The following OSBPL10 variants were observed in gnomAD, a reference collection of about 807,000 sequenced individuals.
OSBPL10 encodes oxysterol binding protein like 10.
OSBPL10 carries 49 observed loss-of-function variants against 81.7 expected under a neutral mutation model. The ratio of observed to expected loss-of-function variants is 0.60; its 90% CI spans 0.48 to 0.76. The LOEUF is 0.76. Ranked by LOEUF, OSBPL10 falls within the 30% of genes least tolerant of loss-of-function variation. The probability of loss-of-function intolerance (pLI) is 0.00; values close to 1 mark genes in which losing one functional copy is unlikely to be tolerated. For synonymous variants in OSBPL10, 419 were observed against 383.6 expected, an observed-to-expected ratio of 1.09 and a Z score of -1.08; for missense variants, 923 against 987.8, an observed-to-expected ratio of 0.93 and a Z score of 0.88.
intron 1 of OSBPL10, among the ~76,000 whole-genome samples, chr3:31,957,823 T>C (rs1396180984): frequency 1.3e-5 from 2 of 152,166 alleles, no homozygotes; most frequent in African/African-American, 4.8e-5. Context: ...GTATTTTTAG[T>C]AGAGGGGGGG....
Position 31,664,169 on chromosome 3 carries a change from C to T in OSBPL10, c.2160G>A (p.Gln720=). Reference sequence around the variant, plus strand: ...GTTGCTTCTCCTCCAGGTGCCGCTTCTGCTCGGTGGCTGCGTCAATGTCCC... The same window carrying T: ...GTTGCTTCTCCTCCAGGTGCCGCTTTTGCTCGGTGGCTGCGTCAATGTCCC... ...RLGDIDAATE[Q]KRHLEEKQRV... The change falls in exon 11 of 12, where the codon CAG becomes CAA. Residue 720 remains glutamine, a synonymous_variant. Transcript: ENST00000396556. 6.2e-7 allele frequency: 1 copy of T among 1,613,716 alleles called. No individual in the cohort carries two copies. Among genetic ancestry groups the T allele is most frequent in the Non-Finnish European group, 8.5e-7 (1 of 1,180,014 alleles).
intron 1 of OSBPL10, among the ~76,000 whole-genome samples, chr3:32,071,677 A>G (rs1346000635): frequency 0.076 from 6,830 of 89,762 alleles, no homozygotes; most frequent in Non-Finnish European, 0.1. Context: ...TACAGTTCTC[A>G]TAACTTCCAA....
chr3:32,006,069 C>CA (rs1699202800), intron 2 of OSBPL10, among the ~76,000 whole-genome samples: 1 of 151,994 alleles, frequency 6.6e-6, no homozygotes. Flanking sequence ...CTCAGCCTCC[C>CA]AAGTAGCTGC....
chr3:31,882,441 C>G (rs180707140), intron 1 of OSBPL10, among the ~76,000 whole-genome samples: 1 of 152,286 alleles, frequency 6.6e-6, no homozygotes, highest in Non-Finnish European at 1.5e-5. Context: ...AATGGAAAAT[C>G]TTGGGCCCCA....
At chr3:32,005,535 C>T (rs1699197353) in intron 2 of OSBPL10, among the ~76,000 whole-genome samples, 1 of 152,130 alleles carries the variant, frequency 6.6e-6, no homozygotes, top group African/African-American at 2.4e-5. Flanking sequence ...GCATACTGCT[C>T]TCCAGACACT....
chr3:31,734,326 T>C (rs1697081022), intron 5 of OSBPL10, among the ~76,000 whole-genome samples: 1 of 152,192 alleles, frequency 6.6e-6, no homozygotes, highest in Non-Finnish European at 1.5e-5. Context: ...GAAAAGACTT[T>C]TACTCTAATT....
intron 2 of OSBPL10, among the ~76,000 whole-genome samples, chr3:32,042,284 C>T (rs988879350): frequency 6.6e-6 from 1 of 152,182 alleles, no homozygotes; most frequent in African/African-American, 2.4e-5. Flanking sequence ...ACAAGCTTTC[C>T]CTGTTGCACC....
chr3:32,066,015 A>AAG lies in OSBPL10; in HGVS notation n.185+11379_185+11380dup, dbSNP rs1395040717. On this transcript the variant is annotated intron_variant and non_coding_transcript_variant, in intron 1 of 3. Transcript: ENST00000479173. Reference sequence around the variant, plus strand: ...AGAAAGAAAGAAAGAAAGAGAAAGAAAGAAAGAAAGAGAGAGAGAGAGAAA... The same window carrying AAG: ...AGAAAGAAAGAAAGAAAGAGAAAGAAAGAGAAAGAAAGAGAGAGAGAGAGAAA... Among the ~76,000 whole-genome samples, 231 of 65,664 alleles carry AAG rather than the reference A, an allele frequency of 3.5e-3. 30 individuals are homozygous for AAG. The East Asian group carries it at 0.055, about 16-fold the overall frequency. 43.1% of individuals were successfully genotyped at this position (65,664 alleles called of 152,430 possible). A position where few individuals can be genotyped will look rare whatever the true frequency, so the allele number is the denominator to read the frequency against.
rs1268429639 is a variant in OSBPL10, at chr3:32,061,837, C to T, written n.186-15234G>A. On this transcript the variant is annotated intron_variant and non_coding_transcript_variant, in intron 1 of 3. Transcript: ENST00000479173. ...TATTTTTTATAGAGCCAGAGTCTTA[C>T]TGTGTTGAGCAGGCTGGCCTCAAAC... 5.4e-5 allele frequency among the ~76,000 whole-genome samples: 5 copies of T among 92,638 alleles called. 2 individuals carry two copies. The highest frequency in any genetic ancestry group is 1.4e-4 in the African/African-American group (5 of 36,002). 60.8% of individuals were successfully genotyped at this position (92,638 alleles called of 152,430 possible). A position where few individuals can be genotyped will look rare whatever the true frequency, so the allele number is the denominator to read the frequency against.
chr3:31,773,348 T>C (rs1297931660), intron 4 of OSBPL10, among the ~76,000 whole-genome samples: 1 of 152,114 alleles, frequency 6.6e-6, no homozygotes, highest in Non-Finnish European at 1.5e-5. Flanking sequence ...GCACTACGCC[T>C]GGGGGACATT....
intron 3 of OSBPL10, among the ~76,000 whole-genome samples, chr3:31,838,771 C>A (rs1360335093): frequency 1.3e-5 from 2 of 152,156 alleles, no homozygotes; most frequent in Non-Finnish European, 2.9e-5. Context: ...CATACTAATT[C>A]TCAGATACTT....
At chr3:31,757,611 CA>C (rs1697926759) in intron 4 of OSBPL10, among the ~76,000 whole-genome samples, 1 of 152,216 alleles carries the variant, frequency 6.6e-6, no homozygotes, top group African/African-American at 2.4e-5. Flanking sequence ...ACATCACAGA[CA>C]TCTTTCCACA....
chr3:31,736,544 T>G (rs1404699993), intron 5 of OSBPL10, among the ~76,000 whole-genome samples: 2 of 152,222 alleles, frequency 1.3e-5, no homozygotes, highest in Admixed American at 1.3e-4. Flanking sequence ...CCTTTCCTAC[T>G]GACCAATTCC....
chr3:31,814,214 T>C (rs991159302), intron 4 of OSBPL10, among the ~76,000 whole-genome samples: 70 of 152,330 alleles, frequency 4.6e-4, no homozygotes, highest in African/African-American at 1.6e-3. Flanking sequence ...TTGCCTTCCA[T>C]GCTGAAAGAC....
At chr3:31,992,972 C>T (rs1437391235) in intron 2 of OSBPL10, among the ~76,000 whole-genome samples, 1 of 152,096 alleles carries the variant, frequency 6.6e-6, no homozygotes, top group Non-Finnish European at 1.5e-5. Context: ...CACTGCACTC[C>T]AGCCCAGGCA....
chr3:31,704,080 C>T (rs1575487477), intron 6 of OSBPL10: 2 of 152,502 alleles, frequency 1.3e-5, no homozygotes, highest in Middle Eastern at 6.7e-3. Flanking sequence ...GGGTCTCCTC[C>T]AGCTCCACCT....
intron 1 of OSBPL10, among the ~76,000 whole-genome samples, chr3:31,960,779 C>A (rs1385209379): frequency 1.3e-5 from 2 of 152,120 alleles, no homozygotes; most frequent in African/African-American, 4.8e-5. Flanking sequence ...GCCATCTGTG[C>A]CCCTACCCCA....
chr3:31,670,755 T>A (rs769042960), intron 9 of OSBPL10, 42 bp downstream of exon 9: 9 of 1,553,604 alleles, frequency 5.8e-6, no homozygotes, highest in Non-Finnish European at 7.0e-6. Flanking sequence ...ACTCAGGGCA[T>A]CTTGTTAAGA....
In OSBPL10 at chr3:31,677,506, G is replaced by A. The variant is rs182864402; in HGVS notation, c.1726+6128C>T. Among the ~76,000 whole-genome samples the A allele has an allele frequency of 2.3e-4, 35 of 152,284 alleles. No homozygotes were observed. The East Asian group carries it at 6.8e-3, about 29-fold the overall frequency. ...AGTCTCTCTCCAGAATCTTCTTTCT[G>A]AACTCAGCATGCTATTGAGAAATTC... On this transcript the variant is annotated intron_variant, in intron 8 of 11. Coordinates refer to ENST00000396556, the MANE Select transcript of OSBPL10 (RefSeq NM_017784.5).
Sources: gnomAD v4.1 joint callset for allele counts (sites outside exome capture counted in the v4.1 genomes callset) on GRCh38, gnomAD v4.1.1 for gene constraint, MANE v1.5 for transcripts, NCBI Gene and HGNC (gene_info 2026-07-23, HGNC 2026-07-21) for gene names.